Variants in SLAIN2 observed in about 807,000 individuals in gnomAD.
SLAIN2 encodes the protein SLAIN family member 2.
Under a neutral mutation model 56.6 loss-of-function variants are expected in SLAIN2, and 31 were observed. The observed-to-expected ratio is 0.55, with a 90% confidence interval of 0.41 to 0.74. The LOEUF is 0.74. Among genes scored for constraint, SLAIN2 ranks in the 30% least tolerant of loss-of-function variants. The probability of loss-of-function intolerance (pLI) is 0.00; values close to 1 mark genes in which losing one functional copy is unlikely to be tolerated. For synonymous variants in SLAIN2, 317 were observed against 284.9 expected (o/e 1.11, Z -1.13); for missense variants, 777 against 754.2 (o/e 1.03, Z -0.35).
At chr4:48,353,560 C>A (rs1715076039) in intron 1 of SLAIN2, among the ~76,000 whole-genome samples, 1 of 151,968 alleles carries the variant, frequency 6.6e-6, no homozygotes, top group Non-Finnish European at 1.5e-5. Context: ...ATGAAACAAA[C>A]ATTTATTTGG....
intron 6 of SLAIN2, among the ~76,000 whole-genome samples, chr4:48,416,595 A>G (rs189924431): frequency 0.028 from 4,218 of 151,358 alleles, 60 homozygotes; most frequent in Admixed American, 0.045. Context: ...TTCCAACACT[A>G]TGTTGAATAG....
At chr4:48,350,910 C>T (rs935265827) in intron 1 of SLAIN2, among the ~76,000 whole-genome samples, 1 of 152,072 alleles carries the variant, frequency 6.6e-6, no homozygotes, top group African/African-American at 2.4e-5. Flanking sequence ...TAATGTAGTA[C>T]CACGGTATCA....
chr4:48,356,273 A>G (rs557194417), intron 1 of SLAIN2, among the ~76,000 whole-genome samples: 35 of 152,328 alleles, frequency 2.3e-4, no homozygotes, highest in African/African-American at 7.9e-4. Context: ...TGTAATGTTT[A>G]TATGTATATA....
intron 6 of SLAIN2, among the ~76,000 whole-genome samples, chr4:48,405,397 C>T (rs1006840230): frequency 2.0e-5 from 3 of 151,950 alleles, no homozygotes; most frequent in Admixed American, 6.6e-5. Context: ...CTTACTTTAT[C>T]GTTTTCTTCC....
intron 5 of SLAIN2, 45 bp from the exon 6 acceptor site, chr4:48,383,602 C>T (rs1195727165): frequency 7.0e-7 from 1 of 1,426,244 alleles, no homozygotes; most frequent in South Asian, 1.5e-5. Context: ...TAATTTTCTC[C>T]ATCTGAAAGA....
At chr4:48,400,181 A>G (rs1383456986) in intron 6 of SLAIN2, among the ~76,000 whole-genome samples, 1 of 151,774 alleles carries the variant, frequency 6.6e-6, no homozygotes, top group African/African-American at 2.4e-5. Flanking sequence ...CAATTTCAGA[A>G]CTCATTATTG....
At position 48,341,545 on chromosome 4, in the gene SLAIN2, C is replaced by A; in HGVS notation, c.-195C>A. ...GCCTCCCCCAATCCCGGAGCCGGCGCAGATGAGGCAGTTCGGCTGGGGCCA... is the reference window on the plus strand; with the variant it reads ...GCCTCCCCCAATCCCGGAGCCGGCGAAGATGAGGCAGTTCGGCTGGGGCCA... On this transcript the variant is annotated 5_prime_UTR_variant, in exon 1 of 8. Transcript: ENST00000264313. 1.4e-6 allele frequency: 1 copy of A among 737,498 alleles called. No individual in the cohort carries two copies. The highest frequency in any genetic ancestry group is 2.0e-6 in the Non-Finnish European group (1 of 509,456). 45.7% of individuals were successfully genotyped at this position (737,498 alleles called of 1,614,324 possible).
intron 1 of SLAIN2, among the ~76,000 whole-genome samples, chr4:48,348,033 C>G (rs1714914336): frequency 6.6e-6 from 1 of 152,192 alleles, no homozygotes; most frequent in Admixed American, 6.5e-5. Context: ...AAAGTCAAGT[C>G]TGATGAAGTA....
intron 1 of SLAIN2, among the ~76,000 whole-genome samples, chr4:48,344,776 G>A (rs1276107516): frequency 2.0e-5 from 3 of 151,628 alleles, no homozygotes; most frequent in African/African-American, 7.3e-5. Flanking sequence ...AATAACTGAA[G>A]CAAAAGTTTC....
chr4:48,362,636 GTCTCGA>G (rs1003238760), intron 1 of SLAIN2, among the ~76,000 whole-genome samples: 4 of 150,034 alleles, frequency 2.7e-5, no homozygotes, highest in African/African-American at 9.8e-5. Context: ...AGCCAGGATG[GTCTCGA>G]TCTACTGACC....
intron 6 of SLAIN2, among the ~76,000 whole-genome samples, chr4:48,388,813 G>A (rs531173309): frequency 6.6e-6 from 1 of 152,160 alleles, no homozygotes; most frequent in African/African-American, 2.4e-5. Context: ...TACCACAGAC[G>A]AGTAAAATAA....
At chr4:48,409,991 T>A (rs1464899767) in intron 6 of SLAIN2, among the ~76,000 whole-genome samples, 1 of 152,222 alleles carries the variant, frequency 6.6e-6, no homozygotes, top group East Asian at 1.9e-4. Flanking sequence ...CTGGATCATA[T>A]GGTAGCTTTA....
intron 6 of SLAIN2, among the ~76,000 whole-genome samples, chr4:48,409,324 C>G (rs932029262): frequency 1.3e-5 from 2 of 152,138 alleles, no homozygotes; most frequent in Non-Finnish European, 2.9e-5. Context: ...TCCACCTCCC[C>G]CGACCCTGCC....
At chr4:48,389,734 G>T (rs1716187516) in intron 6 of SLAIN2, among the ~76,000 whole-genome samples, 1 of 152,240 alleles carries the variant, frequency 6.6e-6, no homozygotes. Flanking sequence ...GAGTATAGTG[G>T]TTTTGTATAA....
At chr4:48,402,359 T>C (rs1716577155) in intron 6 of SLAIN2, among the ~76,000 whole-genome samples, 2 of 152,194 alleles carry the variant, frequency 1.3e-5, no homozygotes, top group Admixed American at 1.3e-4. Context: ...CTGGATGATA[T>C]CCTGAAGTAT....
Position 48,422,068 on chromosome 4 carries a change from C to T in SLAIN2, c.1737C>T (p.Gly579=), listed in dbSNP as rs1261558220. 6.8e-6 allele frequency: 11 copies of T among 1,609,732 alleles called. No homozygotes were observed. Among genetic ancestry groups the T allele is most frequent in the East Asian group, 4.5e-5 (2 of 44,686 alleles). Reference sequence around the variant, plus strand: ...TGAAAGATGACAGTTGGAAAGATGGCTGTTACTGACCAGCAAAGACAAGAA... The same window carrying T: ...TGAAAGATGACAGTTGGAAAGATGGTTGTTACTGACCAGCAAAGACAAGAA... ...GSMKDDSWKD[G]CY is the part of the protein sequence containing the mutation. The change falls in exon 8 of 8, where the codon GGC becomes GGT. Residue 579 remains glycine, a synonymous_variant. Transcript: ENST00000264313.
chr4:48,358,474 C>A (rs1389390935), intron 1 of SLAIN2, among the ~76,000 whole-genome samples: 3 of 151,936 alleles, frequency 2.0e-5, no homozygotes, highest in Non-Finnish European at 4.4e-5. Flanking sequence ...CGTGCACCAC[C>A]ATGCCCGGCT....
chr4:48,420,545 A>G, intron 7 of SLAIN2, 102 bp downstream of exon 7: 2 of 1,318,562 alleles, frequency 1.5e-6, no homozygotes, highest in Non-Finnish European at 2.1e-6. Flanking sequence ...ACAGAAAGTC[A>G]TGGTGGATTC....
chr4:48,389,101 GAAAT>G (rs1043995759), intron 6 of SLAIN2, among the ~76,000 whole-genome samples: 8 of 152,032 alleles, frequency 5.3e-5, no homozygotes, highest in African/African-American at 1.7e-4. Context: ...AACACAAATT[GAAAT>G]AAATAAGTCA....
Sources: allele counts gnomAD v4.1 joint callset (sites outside exome capture counted in the v4.1 genomes callset), GRCh38; gene constraint gnomAD v4.1.1; transcripts MANE v1.5; gene names NCBI Gene and HGNC (gene_info 2026-07-23, HGNC 2026-07-21).